The following TIMP3 variants were observed in gnomAD, a reference collection of about 807,000 sequenced individuals.
TIMP3 encodes metalloproteinase inhibitor 3.
A neutral mutation model predicts 30.0 loss-of-function variants in TIMP3; 11 were observed. The ratio of observed to expected loss-of-function variants is 0.37; its 90% CI spans 0.23 to 0.61. TIMP3 has a LOEUF of 0.61. Among genes scored for constraint, TIMP3 ranks in the 20% least tolerant of loss-of-function variants. TIMP3 has a pLI of 0.70. For synonymous variants in TIMP3, 112 were observed against 111.3 expected (o/e 1.01, Z -0.04); for missense variants, 181 against 276.8 (o/e 0.65, Z 2.45).
At chr22:32,833,946 T>C (rs113946525) in intron 1 of TIMP3, 1 of 488,006 alleles carries the variant, frequency 2.0e-6, no homozygotes, top group African/African-American at 2.0e-5. Context: ...ATTTTTATAA[T>C]TAGGGAAAGT....
At chr22:32,849,235 G>A (rs1244807603) in intron 1 of TIMP3, among the ~76,000 whole-genome samples, 4 of 152,108 alleles carry the variant, frequency 2.6e-5, no homozygotes, top group African/African-American at 7.2e-5. Flanking sequence ...GAATATTTGG[G>A]GTAATTAACT....
chr22:32,834,634 G>C (rs11703906), intron 1 of TIMP3, among the ~76,000 whole-genome samples: 12,875 of 152,266 alleles, frequency 0.085, 588 homozygotes, highest in Middle Eastern at 0.12. Context: ...TGTGGCAATT[G>C]CTCTAGAGGA....
chr22:32,811,662 C>A (rs2046918576), intron 1 of TIMP3, among the ~76,000 whole-genome samples: 1 of 152,196 alleles, frequency 6.6e-6, no homozygotes, highest in Non-Finnish European at 1.5e-5. Flanking sequence ...TTGATGACAA[C>A]TTCGCAACGA....
At chr22:32,856,770 G>T (rs56060912) in intron 2 of TIMP3, among the ~76,000 whole-genome samples, 6 of 151,974 alleles carry the variant, frequency 3.9e-5, no homozygotes, top group African/African-American at 1.5e-4. Context: ...CTTGTTCTGC[G>T]TACTCGTATT....
At chr22:32,834,783 A>C (rs1448075743) in intron 1 of TIMP3, among the ~76,000 whole-genome samples, 1 of 152,218 alleles carries the variant, frequency 6.6e-6, no homozygotes, top group East Asian at 1.9e-4. Context: ...TATCTGGTAC[A>C]GGGTACCATC....
chr22:32,856,444 C>T (rs1288226194), intron 2 of TIMP3, among the ~76,000 whole-genome samples: 2 of 152,080 alleles, frequency 1.3e-5, no homozygotes, highest in Non-Finnish European at 2.9e-5. Context: ...GGCCACTGGA[C>T]AGCTGAATAG....
Position 32,838,778 on chromosome 22 carries a change from C to T in TIMP3, c.122-10674C>T, listed in dbSNP as rs532251715. 1.4e-3 allele frequency among the ~76,000 whole-genome samples: 216 copies of T among 152,090 alleles called. 1 individual carries two copies. Among genetic ancestry groups the T allele is most frequent in the African/African-American group, 4.9e-3 (203 of 41,502 alleles). On this transcript the variant is annotated intron_variant, in intron 1 of 4. Transcript: ENST00000266085. Reference sequence around the variant, plus strand: ...ATCCCCGTCTTCGTTATTGTATTACCTTTGGTTCCCTCCCACAGCCTCATT... The same window carrying T: ...ATCCCCGTCTTCGTTATTGTATTACTTTTGGTTCCCTCCCACAGCCTCATT...
At chr22:32,815,287 G>A (rs1285387434) in intron 1 of TIMP3, among the ~76,000 whole-genome samples, 1 of 152,206 alleles carries the variant, frequency 6.6e-6, no homozygotes, top group Non-Finnish European at 1.5e-5. Context: ...TCCCAGTGCA[G>A]GGAACCCATG....
chr22:32,815,324 A>G (rs1343292933), intron 1 of TIMP3, among the ~76,000 whole-genome samples: 5 of 152,236 alleles, frequency 3.3e-5, no homozygotes, highest in Non-Finnish European at 7.3e-5. Context: ...AAGCCATCTG[A>G]TCCAGGTCTC....
Position 32,861,289 on chromosome 22 carries a change from T to G in TIMP3, c.*1912T>G, listed in dbSNP as rs921825914. 1.3e-5 allele frequency: 2 copies of G among 152,422 alleles called. No individual in the cohort carries two copies. Among genetic ancestry groups the G allele is most frequent in the African/African-American group, 4.8e-5 (2 of 41,448 alleles). The allele number at this position is 152,422 out of a possible 1,614,324, so 9.4% of individuals were successfully genotyped here. ...GGGAAGAGAGTACCGGCATCGGGTT[T>G]CCTTGGGATCAATTTCATTACCGTG... On this transcript the variant is annotated 3_prime_UTR_variant, in exon 5 of 5. Coordinates refer to ENST00000266085, the MANE Select transcript of TIMP3 (RefSeq NM_000362.5).
intron 1 of TIMP3, among the ~76,000 whole-genome samples, chr22:32,805,208 C>T (rs1193368196): frequency 6.6e-6 from 1 of 152,114 alleles, no homozygotes; most frequent in Non-Finnish European, 1.5e-5. Flanking sequence ...TGCCTCTGAG[C>T]CTGTTGGGAA....
At chr22:32,824,103 C>G (rs750147200) in intron 1 of TIMP3, among the ~76,000 whole-genome samples, 34 of 151,824 alleles carry the variant, frequency 2.2e-4, no homozygotes, top group Non-Finnish European at 4.1e-4. Flanking sequence ...ACGGTGAAAC[C>G]CCATCTCTAC....
At chr22:32,818,881 G>A (rs891471431) in intron 1 of TIMP3, among the ~76,000 whole-genome samples, 2 of 152,198 alleles carry the variant, frequency 1.3e-5, no homozygotes, top group Admixed American at 6.5e-5. Context: ...CTGAAGCCAC[G>A]GGCCAGGCAG....
At chr22:32,807,967 C>T (rs2046810995) in intron 1 of TIMP3, among the ~76,000 whole-genome samples, 1 of 152,026 alleles carries the variant, frequency 6.6e-6, no homozygotes, top group Non-Finnish European at 1.5e-5. Flanking sequence ...TATTGACTTA[C>T]TGAGTGTTTT....
At chr22:32,824,549 GT>G (rs2047346444) in intron 1 of TIMP3, among the ~76,000 whole-genome samples, 1 of 151,884 alleles carries the variant, frequency 6.6e-6, no homozygotes, top group Non-Finnish European at 1.5e-5. Context: ...AAAATGGAGT[GT>G]ATATATGTAT....
chr22:32,808,882 G>A (rs2046836717), intron 1 of TIMP3, among the ~76,000 whole-genome samples: 1 of 152,124 alleles, frequency 6.6e-6, no homozygotes, highest in Non-Finnish European at 1.5e-5. Context: ...AAGAACTTAG[G>A]GCTGCGTGCC....
At chr22:32,827,388 A>T in intron 1 of TIMP3, among the ~76,000 whole-genome samples, 1 of 152,228 alleles carries the variant, frequency 6.6e-6, no homozygotes, top group East Asian at 1.9e-4. Flanking sequence ...TTTCCTTGAA[A>T]TCTATACAGG....
intron 2 of TIMP3, among the ~76,000 whole-genome samples, chr22:32,854,874 A>T (rs2048322214): frequency 6.6e-6 from 1 of 152,166 alleles, no homozygotes; most frequent in African/African-American, 2.4e-5. Context: ...AGGGGCGCCC[A>T]AACTCAGTAG....
At chr22:32,844,695 C>G (rs1007072306) in intron 1 of TIMP3, among the ~76,000 whole-genome samples, 1 of 151,072 alleles carries the variant, frequency 6.6e-6, no homozygotes, top group African/African-American at 2.4e-5. Context: ...CAATCTCTTC[C>G]TTGTTTCTTC....
Sources: allele counts gnomAD v4.1 joint callset (sites outside exome capture counted in the v4.1 genomes callset), GRCh38; gene constraint gnomAD v4.1.1; transcripts MANE v1.5; gene names NCBI Gene and HGNC (gene_info 2026-07-23, HGNC 2026-07-21).